TDRD3: variants seen among roughly 807,000 people sequenced by gnomAD.
The protein encoded by TDRD3 is tudor domain containing 3, also known as tudor domain-containing protein 3.
TDRD3 carries 45 observed loss-of-function variants against 86.7 expected under a neutral mutation model. That is an observed-to-expected ratio of 0.52 (90% CI 0.41 to 0.67). The LOEUF is 0.67. TDRD3 is among the 30% of genes least tolerant of loss of function. The pLI is 0.00. For synonymous variants in TDRD3, 298 were observed against 301.7 expected, an observed-to-expected ratio of 0.99 and a Z score of 0.13; for missense variants, 814 against 889.0, an observed-to-expected ratio of 0.92 and a Z score of 1.07.
intron 1 of TDRD3, among the ~76,000 whole-genome samples, chr13:60,407,411 T>C (rs1437617775): frequency 6.6e-6 from 1 of 152,248 alleles, no homozygotes. Flanking sequence ...TTGTTATTTC[T>C]GAAATGAATG....
intron 7 of TDRD3, among the ~76,000 whole-genome samples, chr13:60,492,890 T>G (rs73208072): frequency 3.0e-4 from 45 of 150,586 alleles, no homozygotes; most frequent in Admixed American, 3.0e-3. Flanking sequence ...TGTATTTTCT[T>G]CCGTTTCAAA....
At chr13:60,497,617 G>A (rs1204888803) in intron 8 of TDRD3, among the ~76,000 whole-genome samples, 1 of 152,150 alleles carries the variant, frequency 6.6e-6, no homozygotes, top group Non-Finnish European at 1.5e-5. Context: ...CATGTGAGTG[G>A]CTGACATGAA....
At chr13:60,407,786 A>G (rs540933584) in intron 1 of TDRD3, among the ~76,000 whole-genome samples, 34 of 152,298 alleles carry the variant, frequency 2.2e-4, no homozygotes, top group African/African-American at 6.7e-4. Context: ...TTGATATTTC[A>G]GAATTGCTTA....
At chr13:60,472,909 AT>A (rs1346309259) in intron 5 of TDRD3, among the ~76,000 whole-genome samples, 1 of 152,210 alleles carries the variant, frequency 6.6e-6, no homozygotes, top group Non-Finnish European at 1.5e-5. Flanking sequence ...GAGTTTCAGC[AT>A]TAGTAGACCA....
chr13:60,451,180 A>G (rs1478396878), intron 3 of TDRD3, among the ~76,000 whole-genome samples: 1 of 152,222 alleles, frequency 6.6e-6, no homozygotes, highest in Non-Finnish European at 1.5e-5. Context: ...GTGGTAGAGA[A>G]GAAGAAAATG....
chr13:60,528,493 A>G lies in TDRD3; in HGVS notation c.1268A>G (p.Asn423Ser). ...PPRNDTRQPR[N>S]EKPPRFQRDS... is the part of the protein sequence containing the mutation. ...CGAAATGATACCAGGCAGCCAAGAA[A>G]TGAAAAACCGCCTCGTTTTCAAAGA... The change falls in exon 11 of 14, where the codon AAT becomes AGT. Residue 423 changes from asparagine (N) to serine (S), a missense_variant. Transcript: ENST00000377881. 1.9e-6 allele frequency: 3 copies of G among 1,614,074 alleles called. No individual in the cohort carries two copies. The highest frequency in any genetic ancestry group is 2.5e-6 in the Non-Finnish European group (3 of 1,179,958).
intron 1 of TDRD3, among the ~76,000 whole-genome samples, chr13:60,425,526 T>C (rs74692800): frequency 2.2e-3 from 333 of 152,266 alleles, no homozygotes; most frequent in Non-Finnish European, 4.1e-3. Context: ...CCAAAGAAGA[T>C]GAAATCACTA....
At chr13:60,553,721 A>C (rs1017933441) in intron 12 of TDRD3, among the ~76,000 whole-genome samples, 3 of 151,980 alleles carry the variant, frequency 2.0e-5, no homozygotes, top group Non-Finnish European at 4.4e-5. Flanking sequence ...TCTCATGAGA[A>C]CTCACTCACT....
intron 1 of TDRD3, among the ~76,000 whole-genome samples, chr13:60,430,852 T>G (rs1954938627): frequency 6.6e-6 from 1 of 152,124 alleles, no homozygotes; most frequent in African/African-American, 2.4e-5. Flanking sequence ...TGTTGTTTAT[T>G]ACCTATCTCA....
At position 60,397,414 on chromosome 13, in the gene TDRD3, C is replaced by A. The variant is rs1469807272; in HGVS notation, c.41+9C>A. ...TTGTCCCAGGCGGGTTGGTAAGTGGCGAGTCCCGCCGGCTGCCGGGCCGCG... is the reference window on the plus strand; with the variant it reads ...TTGTCCCAGGCGGGTTGGTAAGTGGAGAGTCCCGCCGGCTGCCGGGCCGCG... On this transcript the variant is annotated intron_variant, in intron 1 of 13. Coordinates refer to ENST00000377881, the MANE Select transcript of TDRD3 (RefSeq NM_001146070.2). 6 of 1,485,730 alleles carry A rather than the reference C, an allele frequency of 4.0e-6. No homozygotes were observed. Among genetic ancestry groups the A allele is most frequent in the East Asian group, 2.7e-5 (1 of 36,452 alleles). The allele number at this position is 1,485,730 out of a possible 1,614,324, so 92.0% of individuals were successfully genotyped here.
intron 1 of TDRD3, among the ~76,000 whole-genome samples, chr13:60,421,007 C>A (rs1479821075): frequency 3.3e-5 from 5 of 152,022 alleles, no homozygotes; most frequent in Admixed American, 3.3e-4. Context: ...TTCTATTTGA[C>A]TGTCCTCATG....
At chr13:60,504,707 C>T (rs2137623927) in intron 8 of TDRD3, among the ~76,000 whole-genome samples, 1 of 152,290 alleles carries the variant, frequency 6.6e-6, no homozygotes, top group East Asian at 1.9e-4. Flanking sequence ...AGGCAGAAGG[C>T]AGGTGATTTC....
intron 10 of TDRD3, among the ~76,000 whole-genome samples, chr13:60,513,976 G>A (rs760058617): frequency 1.3e-5 from 2 of 152,228 alleles, no homozygotes; most frequent in Non-Finnish European, 2.9e-5. Flanking sequence ...TGGGAACTGG[G>A]TAACAGGCAG....
chr13:60,494,237 G>A (rs1956664245), intron 7 of TDRD3, among the ~76,000 whole-genome samples, 198 bp from the exon 8 acceptor site: 1 of 151,960 alleles, frequency 6.6e-6, no homozygotes, highest in Admixed American at 6.6e-5. Context: ...TTATTGCCTG[G>A]CCTGGATTTG....
chr13:60,478,602 G>C (rs1956245155), intron 5 of TDRD3, among the ~76,000 whole-genome samples: 1 of 151,960 alleles, frequency 6.6e-6, no homozygotes, highest in Non-Finnish European at 1.5e-5. Context: ...ACCGTGCCCG[G>C]TCCACAGTCT....
intron 8 of TDRD3, among the ~76,000 whole-genome samples, chr13:60,507,119 T>C (rs1956955583): frequency 6.6e-6 from 1 of 152,056 alleles, no homozygotes; most frequent in Non-Finnish European, 1.5e-5. Flanking sequence ...CATTACATAA[T>C]GGTAAAAGGA....
chr13:60,488,137 A>T (rs1956490103), intron 7 of TDRD3, among the ~76,000 whole-genome samples: 1 of 152,116 alleles, frequency 6.6e-6, no homozygotes, highest in South Asian at 2.1e-4. Context: ...AGCTGAAGAG[A>T]TGGGTCGTCA....
Position 60,570,174 on chromosome 13 carries a change from C to T in TDRD3, c.*9+2524C>T, listed in dbSNP as rs140896701. ...ATTTTCAAACTATCCATCTGACAAG[C>T]GCTTAATAACCAGAATATATAAGCT... is the stretch of plus-strand genomic sequence containing the variant. On this transcript the variant is annotated intron_variant, in intron 13 of 13. Transcript: ENST00000377881. 5.3e-5 allele frequency among the ~76,000 whole-genome samples: 8 copies of T among 152,162 alleles called. No individual in the cohort carries two copies. The East Asian group carries it at 9.7e-4, about 18-fold the overall frequency.
chr13:60,563,885 TGA>T (rs1179525377), intron 12 of TDRD3, among the ~76,000 whole-genome samples: 3 of 152,214 alleles, frequency 2.0e-5, no homozygotes, highest in Non-Finnish European at 4.4e-5. Flanking sequence ...TATACAGTAA[TGA>T]GAGATTGAAG....
Sources: gnomAD v4.1 joint callset for allele counts (sites outside exome capture counted in the v4.1 genomes callset) on GRCh38, gnomAD v4.1.1 for gene constraint, MANE v1.5 for transcripts, NCBI Gene and HGNC (gene_info 2026-07-23, HGNC 2026-07-21) for gene names.